Variants in AKAP13 observed in about 807,000 individuals in gnomAD.
AKAP13 encodes A-kinase anchor protein 13.
AKAP13 carries 80 observed loss-of-function variants against 264.5 expected under a neutral mutation model. The observed-to-expected ratio is 0.30, with a 90% confidence interval of 0.25 to 0.36. The LOEUF is 0.36. Ranked by LOEUF, AKAP13 falls within the 10% of genes least tolerant of loss-of-function variation. The pLI is 1.00. For missense variants in AKAP13, 3,712 were observed against 3,435.2 expected (o/e 1.08, Z -2.01); for synonymous variants, 1,380 against 1,250.2 (o/e 1.10, Z -2.19).
At chr15:85,645,150 G>A (rs2082496515) in intron 9 of AKAP13, among the ~76,000 whole-genome samples, 1 of 152,106 alleles carries the variant, frequency 6.6e-6, no homozygotes, top group African/African-American at 2.4e-5. Context: ...GAAAAGCAAA[G>A]TTAATAAGAG....
intron 3 of AKAP13, among the ~76,000 whole-genome samples, chr15:85,530,776 C>T (rs2077219052): frequency 6.6e-6 from 1 of 152,164 alleles, no homozygotes; most frequent in Non-Finnish European, 1.5e-5. Context: ...TCCATCCATC[C>T]ATCGTTCATC....
intron 30 of AKAP13, among the ~76,000 whole-genome samples, chr15:85,732,261 T>C (rs543836122): frequency 6.6e-6 from 1 of 152,166 alleles, no homozygotes; most frequent in East Asian, 1.9e-4. Context: ...ATCTTAATTG[T>C]TTTCTGCCCC....
At position 85,746,723 on chromosome 15, in the gene AKAP13, C is replaced by T. The variant is rs1025320599; in HGVS notation, c.*2046C>T. 1.3e-5 allele frequency: 2 copies of T among 151,724 alleles called. No individual in the cohort carries two copies. Among genetic ancestry groups the T allele is most frequent in the Non-Finnish European group, 2.9e-5 (2 of 67,922 alleles). 9.4% of individuals were successfully genotyped at this position (151,724 alleles called of 1,614,324 possible). On this transcript the variant is annotated 3_prime_UTR_variant, in exon 37 of 37. Coordinates refer to ENST00000394518, the MANE Select transcript of AKAP13 (RefSeq NM_007200.5). ...CAAGTTACAGCTGAATCTGTCGTGA[C>T]TTTCCTGAGATCTACCCGGGGCTTG...
In AKAP13 at chr15:85,726,552, C is replaced by G. The variant is rs2087625807; in HGVS notation, c.6822+66C>G. The G allele has an allele frequency of 7.4e-6, 10 of 1,351,154 alleles. No homozygotes were observed. In the South Asian group the frequency reaches 1.1e-4, roughly 15 times the overall value. 83.7% of individuals were successfully genotyped at this position (1,351,154 alleles called of 1,614,324 possible). On this transcript the variant is annotated intron_variant, in intron 27 of 36. Transcript: ENST00000394518. ...CTAGTTTAGTTATGGAATGTAAGCA[C>G]TATGTTATTGCTCTCCCCCGCCCTC... is the stretch of plus-strand genomic sequence containing the variant.
chr15:85,682,440 T>G (rs2151604935), intron 15 of AKAP13, among the ~76,000 whole-genome samples: 1 of 152,316 alleles, frequency 6.6e-6, no homozygotes, highest in Middle Eastern at 3.4e-3. Context: ...AAATTGGTTG[T>G]ATTTATTGAT....
intron 1 of AKAP13, among the ~76,000 whole-genome samples, chr15:85,413,632 A>G (rs1015591847): frequency 1.3e-5 from 2 of 152,156 alleles, no homozygotes; most frequent in Non-Finnish European, 2.9e-5. Flanking sequence ...AGAGAGGGGA[A>G]GTGACTCAAC....
intron 8 of AKAP13, among the ~76,000 whole-genome samples, chr15:85,613,679 T>TAAAAAAA (rs762473477): frequency 3.4e-4 from 35 of 103,312 alleles, no homozygotes; most frequent in South Asian, 1.5e-3. Context: ...AGACTCCGTC[T>TAAAAAAA]AAAAAAAAAA....
chr15:85,717,283 T>A lies in AKAP13; in HGVS notation c.5736-7T>A. 1 of 1,587,042 alleles carries A rather than the reference T, an allele frequency of 6.3e-7. No homozygotes were observed. The highest frequency in any genetic ancestry group is 8.6e-7 in the Non-Finnish European group (1 of 1,161,724). On this transcript the variant is annotated splice_region_variant and splice_polypyrimidine_tract_variant and intron_variant, in intron 20 of 36. Transcript: ENST00000394518. ...TTTGACAGTATGTATTTTTCTTTTG[T>A]CCCCAGAGTTGGCAATGATGAGAAC...
In AKAP13 at chr15:85,702,239, T is replaced by A. The variant is rs868007670; in HGVS notation, c.5465-5780T>A. 5.0e-3 allele frequency: 727 copies of A among 146,758 alleles called. 3 individuals are homozygous for A. The highest frequency in any genetic ancestry group is 8.1e-3 in the Non-Finnish European group (539 of 66,560). The allele number at this position is 146,758 out of a possible 1,614,324, so 9.1% of individuals were successfully genotyped here. Reference sequence around the variant, plus strand: ...TTCAGCCTGGGTGACAGAGCAAGACTCACACACACACACACACACACACAC... The same window carrying A: ...TTCAGCCTGGGTGACAGAGCAAGACACACACACACACACACACACACACAC... On this transcript the variant is annotated intron_variant, in intron 17 of 36. Transcript: ENST00000394518.
Position 85,717,522 on chromosome 15 carries a change from C to G in AKAP13, c.5848+120C>G, listed in dbSNP as rs545239272. On this transcript the variant is annotated intron_variant, in intron 21 of 36. Coordinates refer to ENST00000394518, the MANE Select transcript of AKAP13 (RefSeq NM_007200.5). ...GCCTCTTCTGTATCCCGTGAAGATT[C>G]TCTAAATTGTCAGTAAAGTGTCCAG... is the stretch of plus-strand genomic sequence containing the variant. 23 of 719,562 alleles carry G rather than the reference C, an allele frequency of 3.2e-5. No individual in the cohort carries two copies. The African/African-American group carries it at 4.2e-4, about 13-fold the overall frequency. The allele number at this position is 719,562 out of a possible 1,614,324, so 44.6% of individuals were successfully genotyped here.
chr15:85,633,858 A>C (rs1414975905), intron 8 of AKAP13, among the ~76,000 whole-genome samples: 1 of 151,888 alleles, frequency 6.6e-6, no homozygotes, highest in African/African-American at 2.4e-5. Context: ...TTTTTTAAAA[A>C]GGAAAATGTG....
In AKAP13 at chr15:85,583,019, T is replaced by C. The variant is rs191684587; in HGVS notation, c.4039+912T>C. The C allele has an allele frequency of 8.5e-5, 84 of 985,312 alleles. No individual in the cohort carries two copies. The African/African-American group carries it at 1.3e-3, about 15-fold the overall frequency. 61.0% of individuals were successfully genotyped at this position (985,312 alleles called of 1,614,324 possible). A position where few individuals can be genotyped will look rare whatever the true frequency, so the allele number is the denominator to read the frequency against. On this transcript the variant is annotated intron_variant, in intron 7 of 36. Coordinates refer to ENST00000394518, the MANE Select transcript of AKAP13 (RefSeq NM_007200.5). ...TCTGAATAAAACTTCTTAACGGGGGTTGAGGCTGAAGCTGAAACGGGAGTC... is the reference window on the plus strand; with the variant it reads ...TCTGAATAAAACTTCTTAACGGGGGCTGAGGCTGAAGCTGAAACGGGAGTC...
Position 85,543,958 on chromosome 15 carries a change from A to G in AKAP13, c.662+3A>G. The stretch of plus-strand genomic sequence containing the variant: ...AAGCTGCACCAGCTTCTAACCGAGT[A>G]AGTGCTCCTTCTGCCTTATTTCCCT... On this transcript the variant is annotated splice_donor_region_variant and intron_variant, in intron 5 of 36. Transcript: ENST00000394518. 2 of 1,611,344 alleles carry G rather than the reference A, an allele frequency of 1.2e-6. No homozygotes were observed. Among genetic ancestry groups the G allele is most frequent in the Non-Finnish European group, 1.7e-6 (2 of 1,177,732 alleles).
chr15:85,668,975 C>A (rs1245416094), intron 13 of AKAP13, among the ~76,000 whole-genome samples: 1 of 152,126 alleles, frequency 6.6e-6, no homozygotes, highest in African/African-American at 2.4e-5. Flanking sequence ...CGGTGACTCA[C>A]GCCTGTAATC....
chr15:85,446,733 C>G (rs1443097026), intron 1 of AKAP13, among the ~76,000 whole-genome samples: 8 of 133,264 alleles, frequency 6.0e-5, no homozygotes, highest in African/African-American at 2.3e-4. Flanking sequence ...TTTTTTGAGA[C>G]AGAGTCTCGC....
chr15:85,538,378 A>T (rs977135686), intron 4 of AKAP13, among the ~76,000 whole-genome samples: 31 of 152,176 alleles, frequency 2.0e-4, no homozygotes, highest in African/African-American at 7.5e-4. Context: ...CAGTAAGAAC[A>T]GCCTGTGTAT....
chr15:85,578,810 T>C (rs960897720), intron 6 of AKAP13, 120 bp from the exon 7 acceptor site: 41 of 877,730 alleles, frequency 4.7e-5, no homozygotes, highest in Non-Finnish European at 6.2e-5. Flanking sequence ...TCGCTTATCA[T>C]GTGACCTTAG....
At chr15:85,416,581 C>G (rs1460021880) in intron 1 of AKAP13, among the ~76,000 whole-genome samples, 1 of 152,160 alleles carries the variant, frequency 6.6e-6, no homozygotes, top group Admixed American at 6.5e-5. Context: ...CCATGGCTAA[C>G]TAGTTTTTAG....
chr15:85,655,483 C>A lies in AKAP13; in HGVS notation c.4441C>A (p.Leu1481Met). ...SSSSTDDTAS[L>M]DRHSSHGSDV... ...TTCATCCACCGATGACACGGCTTCA[C>A]TGGACCGACATTCTTCTCATGGCAG... Residue 1481 changes from leucine (L) to methionine (M), a missense_variant, in exon 11 of 37, where the codon CTG becomes ATG. Coordinates refer to ENST00000394518, the MANE Select transcript of AKAP13 (RefSeq NM_007200.5). 6.2e-7 allele frequency: 1 copy of A among 1,614,194 alleles called. No individual in the cohort carries two copies. The highest frequency in any genetic ancestry group is 8.5e-7 in the Non-Finnish European group (1 of 1,180,034).
Sources: allele counts gnomAD v4.1 joint callset (sites outside exome capture counted in the v4.1 genomes callset), GRCh38; gene constraint gnomAD v4.1.1; transcripts MANE v1.5; gene names NCBI Gene and HGNC (gene_info 2026-07-23, HGNC 2026-07-21).